Variants in SUPT3H observed in about 807,000 individuals in gnomAD.
SUPT3H encodes transcription initiation protein SPT3 homolog.
A neutral mutation model predicts 44.3 loss-of-function variants in SUPT3H; 44 were observed. The observed-to-expected ratio is 0.99, with a 90% confidence interval of 0.78 to 1.28. SUPT3H has a LOEUF of 1.28. Ranked by LOEUF, SUPT3H falls within the 50% of genes most tolerant of loss-of-function variation. The pLI is 0.00. For missense variants in SUPT3H, 380 were observed against 387.1 expected (o/e 0.98, Z 0.15); for synonymous variants, 124 against 125.6 (o/e 0.99, Z 0.09).
intron 10 of SUPT3H, among the ~76,000 whole-genome samples, chr6:44,903,540 T>C (rs1319356747): frequency 6.6e-6 from 1 of 152,104 alleles, no homozygotes; most frequent in East Asian, 1.9e-4. Context: ...CAATAATTAA[T>C]AGCTTACCTA....
At chr6:45,177,972 A>AGCATGT (rs1245956172) in intron 2 of SUPT3H, among the ~76,000 whole-genome samples, 4 of 152,202 alleles carry the variant, frequency 2.6e-5, no homozygotes, top group African/African-American at 9.7e-5. Context: ...ATCATGCCAA[A>AGCATGT]ATGTAAAGAC....
At chr6:45,148,680 C>T (rs1448216290) in intron 2 of SUPT3H, among the ~76,000 whole-genome samples, 1 of 152,176 alleles carries the variant, frequency 6.6e-6, no homozygotes, top group Non-Finnish European at 1.5e-5. Flanking sequence ...TCACAAGCTA[C>T]AACCTCTTCT....
At chr6:44,988,175 G>A (rs992720137) in intron 6 of SUPT3H, among the ~76,000 whole-genome samples, 7 of 151,774 alleles carry the variant, frequency 4.6e-5, no homozygotes, top group Admixed American at 4.6e-4. Flanking sequence ...AGGGTCTGTG[G>A]TCAAAAAAAA....
At chr6:44,896,549 A>C (rs1431308083) in intron 10 of SUPT3H, among the ~76,000 whole-genome samples, 2 of 152,328 alleles carry the variant, frequency 1.3e-5, no homozygotes, top group African/African-American at 4.8e-5. Flanking sequence ...GTGATGGAAC[A>C]GATTCTGAGA....
intron 9 of SUPT3H, among the ~76,000 whole-genome samples, chr6:44,941,425 GT>G (rs11312831): frequency 0.98 from 149,091 of 152,198 alleles, 73,035 homozygotes; most frequent in Middle Eastern, 1. Context: ...TTGGCTGACA[GT>G]TTTTTTCTTC....
At chr6:44,888,532 A>G (rs1395459288) in intron 10 of SUPT3H, among the ~76,000 whole-genome samples, 1 of 152,236 alleles carries the variant, frequency 6.6e-6, no homozygotes, top group African/African-American at 2.4e-5. Context: ...TTACCTCAAT[A>G]GATGCAGAAA....
downstream of SUPT3H, among the ~76,000 whole-genome samples, chr6:44,823,904 A>G (rs1470175478): frequency 1.3e-5 from 2 of 152,184 alleles, no homozygotes; most frequent in Non-Finnish European, 2.9e-5. Flanking sequence ...TGGAGGTTGC[A>G]GTGAGCTGAG....
chr6:45,316,218 T>C (rs887499173), intron 2 of SUPT3H, among the ~76,000 whole-genome samples: 1 of 152,118 alleles, frequency 6.6e-6, no homozygotes, highest in Admixed American at 6.6e-5. Flanking sequence ...ACAAATATGG[T>C]GCAGTGTATA....
chr6:44,921,804 A>G (rs1257900235), intron 10 of SUPT3H, among the ~76,000 whole-genome samples: 3 of 152,210 alleles, frequency 2.0e-5, no homozygotes, highest in African/African-American at 7.2e-5. Flanking sequence ...GATTGACAGA[A>G]ATCTGTAGGC....
chr6:45,292,200 T>G (rs1195795159), intron 2 of SUPT3H, among the ~76,000 whole-genome samples: 1 of 152,060 alleles, frequency 6.6e-6, no homozygotes, highest in East Asian at 1.9e-4. Context: ...GCTTCATATA[T>G]GAAAGAAAGA....
At chr6:44,944,623 G>A (rs1449078869) in intron 9 of SUPT3H, among the ~76,000 whole-genome samples, 13 of 151,216 alleles carry the variant, frequency 8.6e-5, no homozygotes, top group East Asian at 1.9e-4. Flanking sequence ...TTAGCTAGGC[G>A]TAGTGGTGCA....
chr6:45,062,970 A>G (rs567928892), intron 3 of SUPT3H, among the ~76,000 whole-genome samples: 1 of 151,910 alleles, frequency 6.6e-6, no homozygotes, highest in Admixed American at 6.5e-5. Context: ...CAGCTCAAGG[A>G]GACCTGCCTG....
intron 2 of SUPT3H, among the ~76,000 whole-genome samples, chr6:45,252,296 GTCAC>G (rs1165741888): frequency 6.6e-6 from 1 of 152,148 alleles, no homozygotes; most frequent in Non-Finnish European, 1.5e-5. Context: ...TCCAGCTGAA[GTCAC>G]TCTAATCCAA....
At chr6:45,122,164 G>A (rs921237226) in intron 2 of SUPT3H, among the ~76,000 whole-genome samples, 10 of 151,820 alleles carry the variant, frequency 6.6e-5, no homozygotes, top group African/African-American at 1.9e-4. Flanking sequence ...CCTTTATTAC[G>A]CTGTAAAATG....
chr6:45,233,662 T>A (rs556561238), intron 2 of SUPT3H, among the ~76,000 whole-genome samples: 28 of 152,330 alleles, frequency 1.8e-4, no homozygotes, highest in Admixed American at 1.8e-3. Context: ...TCCTGTGACT[T>A]CTCTGTTGGA....
chr6:44,809,763 T>C (rs1476039118), intron 11 of SUPT3H, among the ~76,000 whole-genome samples: 1 of 152,218 alleles, frequency 6.6e-6, no homozygotes, highest in Admixed American at 6.5e-5. Context: ...AATGCCCCTC[T>C]TAAATAACAG....
chr6:45,061,651 T>A (rs980232368), intron 3 of SUPT3H, among the ~76,000 whole-genome samples: 1 of 152,208 alleles, frequency 6.6e-6, no homozygotes, highest in South Asian at 2.1e-4. Context: ...TTTATGCTTT[T>A]AAAAACAATT....
intron 2 of SUPT3H, among the ~76,000 whole-genome samples, chr6:45,222,106 A>G (rs1197769170): frequency 1.3e-5 from 2 of 152,118 alleles, no homozygotes. Context: ...CTTAAACCTC[A>G]CAGCATATAT....
chr6:44,996,333 C>T (rs1201874100), intron 6 of SUPT3H, among the ~76,000 whole-genome samples: 7 of 151,486 alleles, frequency 4.6e-5, no homozygotes, highest in African/African-American at 1.7e-4. Context: ...TATCCTTTGC[C>T]AATTTTCCTA....
Sources: gnomAD v4.1 joint callset for allele counts (sites outside exome capture counted in the v4.1 genomes callset) on GRCh38, gnomAD v4.1.1 for gene constraint, MANE v1.5 for transcripts, NCBI Gene and HGNC (gene_info 2026-07-23, HGNC 2026-07-21) for gene names.